PRPF18: variants seen among roughly 807,000 people sequenced by gnomAD.
PRPF18 encodes pre-mRNA processing factor 18, also known as pre-mRNA-splicing factor 18.
In PRPF18, 38 loss-of-function variants were observed where a neutral mutation model predicts 46.5. That is an observed-to-expected ratio of 0.82 (90% confidence interval 0.63 to 1.07). The LOEUF (loss-of-function observed/expected upper bound fraction) is 1.07. PRPF18 is among the 50% of genes least tolerant of loss of function. The pLI is 0.00. For synonymous variants in PRPF18, 152 were observed against 146.7 expected, an observed-to-expected ratio of 1.04 and a Z score of -0.26; for missense variants, 263 against 410.0, an observed-to-expected ratio of 0.64 and a Z score of 3.10.
chr10:13,613,752 C>T lies in PRPF18; in HGVS notation c.591C>T (p.Gly197=), dbSNP rs762318520. The change falls in exon 7 of 10, where the codon GGC becomes GGT. Residue 197 remains glycine, a synonymous_variant. Transcript: ENST00000378572. ...IITKFLKFLL[G]VWAKELNARE... ...CATCCTTTCAACAGTTTCTTCTTGG[C>T]GTTTGGGCTAAAGAATTGAATGCCA... 7.7e-5 allele frequency: 124 copies of T among 1,612,068 alleles called. No homozygotes were observed. The highest frequency in any genetic ancestry group is 2.7e-4 in the Admixed American group (16 of 59,434).
intron 1 of PRPF18, chr10:13,592,008 T>G: frequency 2.7e-6 from 2 of 751,620 alleles, no homozygotes; most frequent in East Asian, 8.4e-5. Context: ...TTTATGAAGT[T>G]TAACCACCTG....
chr10:13,602,269 T>G (rs1160931654), intron 3 of PRPF18, among the ~76,000 whole-genome samples: 1 of 152,248 alleles, frequency 6.6e-6, no homozygotes, highest in African/African-American at 2.4e-5. Flanking sequence ...GAACATGTTT[T>G]CACGTGTTCA....
the PRPF18 span, chr10:13,654,484 C>T: frequency 1.6e-4 from 258 of 1,613,598 alleles, no homozygotes; most frequent in Middle Eastern, 3.3e-4. Context: ...TTGACGGTGT[C>T]GAGCTTCTCT....
At position 13,587,039 on chromosome 10, in the gene PRPF18, G is replaced by A; in HGVS notation, c.-48G>A. On this transcript the variant is annotated 5_prime_UTR_variant, in exon 1 of 10. Transcript: ENST00000378572. ...GCGGCCGCCGGCCCAGTGAGGCTGG[G>A]TTCGAGGAGCTGGAGCGGGAAACTG... 6.3e-7 allele frequency: 1 copy of A among 1,594,746 alleles called. No homozygotes were observed.
downstream of PRPF18, among the ~76,000 whole-genome samples, chr10:13,633,848 C>T (rs912541854): frequency 2.0e-5 from 3 of 152,146 alleles, no homozygotes; most frequent in Admixed American, 6.5e-5. Context: ...GGTATATTGA[C>T]GCAAGAGCTT....
chr10:13,620,647 C>G (rs2080408428), intron 9 of PRPF18, among the ~76,000 whole-genome samples: 1 of 152,124 alleles, frequency 6.6e-6, no homozygotes, highest in South Asian at 2.1e-4. Context: ...GTTAGTTTTG[C>G]CTGTTCTTGA....
intron 3 of PRPF18, among the ~76,000 whole-genome samples, chr10:13,603,830 T>C (rs1195076880): frequency 6.6e-6 from 1 of 152,222 alleles, no homozygotes; most frequent in Non-Finnish European, 1.5e-5. Context: ...TTCAGGGGAA[T>C]GGTGACTGAC....
At chr10:13,608,910 T>C (rs770899258) in intron 4 of PRPF18, among the ~76,000 whole-genome samples, 2 of 152,208 alleles carry the variant, frequency 1.3e-5, no homozygotes, top group East Asian at 1.9e-4. Flanking sequence ...AGAATCTTCA[T>C]TGGTAAAACA....
intron 9 of PRPF18, among the ~76,000 whole-genome samples, chr10:13,628,937 T>C (rs969504434): frequency 3.3e-5 from 5 of 152,128 alleles, no homozygotes; most frequent in Admixed American, 6.5e-5. Flanking sequence ...CGCACGGTAT[T>C]GAGTATTTGG....
At chr10:13,645,320 T>A in the PRPF18 span, 10 of 151,906 alleles carry the variant, frequency 6.6e-5, no homozygotes, top group African/African-American at 2.2e-4. Context: ...GTCAATGCCT[T>A]TCCAATAGGA....
At chr10:13,610,276 G>A (rs2080251771) in intron 5 of PRPF18, 91 bp downstream of exon 5, 1 of 1,358,634 alleles carries the variant, frequency 7.4e-7, no homozygotes, top group Non-Finnish European at 1.0e-6. Context: ...TGAGGGCAGA[G>A]CACACTGTTG....
At chr10:13,609,707 A>C (rs11258468) in intron 4 of PRPF18, among the ~76,000 whole-genome samples, 52,390 of 152,116 alleles carry the variant, frequency 0.34, 10,104 homozygotes, top group East Asian at 0.78. Flanking sequence ...ACTCTAATGG[A>C]GACCTGCCAC....
At chr10:13,651,577 C>G in the PRPF18 span, 107,824 of 267,946 alleles carry the variant, frequency 0.4, 23,442 homozygotes, top group East Asian at 0.83. Context: ...TACTAGGGAG[C>G]CAGGAGAATC....
At chr10:13,653,973 T>C in the PRPF18 span, 1 of 242,798 alleles carries the variant, frequency 4.1e-6, no homozygotes, top group Non-Finnish European at 7.9e-6. Context: ...CACAGCCCTT[T>C]TTCTTGCACC....
At chr10:13,591,793 C>G in intron 1 of PRPF18, 2 of 1,441,026 alleles carry the variant, frequency 1.4e-6, no homozygotes, top group South Asian at 2.3e-5. Context: ...GACCAGAGGT[C>G]CAGTCACAAG....
chr10:13,608,695 C>A (rs1157590328), intron 4 of PRPF18, among the ~76,000 whole-genome samples: 1 of 152,198 alleles, frequency 6.6e-6, no homozygotes, highest in Non-Finnish European at 1.5e-5. Context: ...AGTGTACTTA[C>A]TGTTTTTCGC....
chr10:13,652,763 T>C, the PRPF18 span: 2 of 152,196 alleles, frequency 1.3e-5, no homozygotes, highest in Non-Finnish European at 2.9e-5. Flanking sequence ...AACTTGAGTG[T>C]GGGTCAGCAT....
chr10:13,603,294 A>AGGT (rs954409309), intron 3 of PRPF18, among the ~76,000 whole-genome samples: 214 of 142,142 alleles, frequency 1.5e-3, no homozygotes, highest in Admixed American at 3.5e-3. Context: ...TTTTTGGGGG[A>AGGT]GGTGGTGGTG....
chr10:13,630,358 TTAA>T lies in PRPF18; in HGVS notation c.*22_*24del. 1 of 1,569,870 alleles carries T rather than the reference TTAA, an allele frequency of 6.4e-7. No individual in the cohort carries two copies. Among genetic ancestry groups the T allele is most frequent in the Non-Finnish European group, 8.7e-7 (1 of 1,143,762 alleles). Reference sequence around the variant, plus strand: ...CACTGTGAGATCTGTGTATGGTGTGTTAATAACAATAAGAAACTTAGGGAAGCA... The same window carrying T: ...CACTGTGAGATCTGTGTATGGTGTGTTAACAATAAGAAACTTAGGGAAGCA... On this transcript the variant is annotated 3_prime_UTR_variant, in exon 10 of 10. Coordinates refer to ENST00000378572, the MANE Select transcript of PRPF18 (RefSeq NM_003675.4).
Sources: gnomAD v4.1 joint callset for allele counts (sites outside exome capture counted in the v4.1 genomes callset) on GRCh38, gnomAD v4.1.1 for gene constraint, MANE v1.5 for transcripts, NCBI Gene and HGNC (gene_info 2026-07-23, HGNC 2026-07-21) for gene names.